The following USP49 variants were observed in gnomAD, a reference collection of about 807,000 sequenced individuals.
USP49 encodes the protein ubiquitin carboxyl-terminal hydrolase 49.
Under a neutral mutation model 58.6 loss-of-function variants are expected in USP49, and 24 were observed. The observed-to-expected ratio is 0.41, with a 90% CI of 0.30 to 0.58. The LOEUF (loss-of-function observed/expected upper bound fraction) is 0.58. USP49 is among the 20% of genes least tolerant of loss of function. The pLI is 0.30. For synonymous variants in USP49, 408 were observed against 365.1 expected (o/e 1.12, Z -1.34); for missense variants, 703 against 866.1 (o/e 0.81, Z 2.36).
intron 3 of USP49, among the ~76,000 whole-genome samples, chr6:41,815,659 C>T (rs1773337041): frequency 6.6e-6 from 1 of 152,134 alleles, no homozygotes; most frequent in African/African-American, 2.4e-5. Flanking sequence ...AGGCTGAATT[C>T]TCTAAGAAGG....
intron 4 of USP49, 98 bp from the exon 5 acceptor site, chr6:41,804,108 T>C: frequency 1.9e-6 from 2 of 1,068,450 alleles, no homozygotes; most frequent in South Asian, 1.7e-5. Flanking sequence ...CAAAACTAAG[T>C]GTATAATTTT....
At chr6:41,883,595 C>A (rs1774653443) in intron 2 of USP49, among the ~76,000 whole-genome samples, 1 of 151,634 alleles carries the variant, frequency 6.6e-6, no homozygotes, top group African/African-American at 2.4e-5. Context: ...TGCATTCCAG[C>A]CTGAGCGACA....
In USP49 at chr6:41,791,391, G is replaced by C. The variant is rs1448267746; in HGVS notation, c.*5142C>G. 1 of 152,218 alleles carries C rather than the reference G, an allele frequency of 6.6e-6. No homozygotes were observed. The highest frequency in any genetic ancestry group is 1.5e-5 in the Non-Finnish European group (1 of 68,050). 9.4% of individuals were successfully genotyped at this position (152,218 alleles called of 1,614,324 possible). Reference sequence around the variant, plus strand: ...CTCCCAAAGTGTTGGGATTACAGGTGCTAGCCAACTGCATCCAGCCAATGT... The same window carrying C: ...CTCCCAAAGTGTTGGGATTACAGGTCCTAGCCAACTGCATCCAGCCAATGT... On this transcript the variant is annotated 3_prime_UTR_variant, in exon 8 of 8. Coordinates refer to ENST00000682992, the MANE Select transcript of USP49 (RefSeq NM_001286554.2).
intron 3 of USP49, among the ~76,000 whole-genome samples, chr6:41,850,260 T>C (rs1774002576): frequency 1.3e-5 from 2 of 151,910 alleles, no homozygotes; most frequent in Non-Finnish European, 1.5e-5. Context: ...CTGGCCAACA[T>C]GGTGAAACCC....
chr6:41,836,612 G>C (rs951066502), intron 3 of USP49, among the ~76,000 whole-genome samples: 4 of 152,090 alleles, frequency 2.6e-5, no homozygotes, highest in Non-Finnish European at 5.9e-5. Flanking sequence ...GTTATAACTA[G>C]ATCTTGGACA....
chr6:41,867,909 C>A (rs992049117), intron 3 of USP49, among the ~76,000 whole-genome samples: 1 of 152,142 alleles, frequency 6.6e-6, no homozygotes, highest in Non-Finnish European at 1.5e-5. Flanking sequence ...TATGAATAAT[C>A]ATCTCATGTC....
At chr6:41,802,739 T>C (rs762962379) in intron 5 of USP49, among the ~76,000 whole-genome samples, 8 of 152,108 alleles carry the variant, frequency 5.3e-5, no homozygotes, top group Non-Finnish European at 1.0e-4. Flanking sequence ...AGCATCCACA[T>C]ATTTGTTCTG....
At chr6:41,814,461 GACA>G (rs1004303833) in intron 3 of USP49, among the ~76,000 whole-genome samples, 15 of 152,250 alleles carry the variant, frequency 9.9e-5, no homozygotes, top group African/African-American at 3.6e-4. Flanking sequence ...TATGAGAGAT[GACA>G]ACATTAGGAT....
intron 3 of USP49, among the ~76,000 whole-genome samples, chr6:41,848,799 G>A (rs533981901): frequency 7.3e-5 from 11 of 151,438 alleles, no homozygotes; most frequent in Non-Finnish European, 1.2e-4. Context: ...AGCTTGCATT[G>A]AGCCAAGATC....
At chr6:41,881,903 T>C (rs1774615047) in intron 2 of USP49, among the ~76,000 whole-genome samples, 1 of 152,308 alleles carries the variant, frequency 6.6e-6, no homozygotes, top group South Asian at 2.1e-4. Flanking sequence ...ATATGCTGAC[T>C]TAACTTTGTA....
intron 3 of USP49, among the ~76,000 whole-genome samples, chr6:41,830,968 A>C (rs1401937741): frequency 6.6e-6 from 1 of 152,180 alleles, no homozygotes; most frequent in African/African-American, 2.4e-5. Flanking sequence ...TAAAAGGTAG[A>C]GCTATCGACT....
At chr6:41,815,674 G>C (rs555281960) in intron 3 of USP49, among the ~76,000 whole-genome samples, 1 of 152,080 alleles carries the variant, frequency 6.6e-6, no homozygotes. Context: ...AGAAGGGTTC[G>C]GAAGCTCTGA....
In USP49 at chr6:41,806,990, T is replaced by G. The variant is rs766715124; in HGVS notation, c.-7A>C. On this transcript the variant is annotated 5_prime_UTR_variant, in exon 4 of 8. Transcript: ENST00000682992. This position sits in a 1 kb window ranked among gnomAD's most constrained non-coding sequence, Gnocchi z 5.9. ...CATGTTTGCATCTATCCATGTCTTA[T>G]AGAAGTCGCCACTTTCTCAACCTGG... 6.7e-7 allele frequency: 1 copy of G among 1,489,096 alleles called. No individual in the cohort carries two copies. Among genetic ancestry groups the G allele is most frequent in the South Asian group, 1.4e-5 (1 of 72,324 alleles). The allele number at this position is 1,489,096 out of a possible 1,614,324, so 92.2% of individuals were successfully genotyped here. A position where few individuals can be genotyped will look rare whatever the true frequency, so the allele number is the denominator to read the frequency against.
chr6:41,852,668 T>C (rs1479340490), intron 3 of USP49, among the ~76,000 whole-genome samples: 1 of 152,182 alleles, frequency 6.6e-6, no homozygotes, highest in Non-Finnish European at 1.5e-5. Context: ...ATATACAGAT[T>C]CGATGCAAGC....
At chr6:41,799,973 TGAG>T (rs1397734807) in intron 5 of USP49, 35 bp from the exon 6 acceptor site, 4 of 1,589,324 alleles carry the variant, frequency 2.5e-6, no homozygotes, top group Admixed American at 1.7e-5. Context: ...ACATAGGTTG[TGAG>T]GAGTTTTTTC....
At chr6:41,874,973 A>C (rs928768684) in intron 2 of USP49, among the ~76,000 whole-genome samples, 4 of 151,772 alleles carry the variant, frequency 2.6e-5, no homozygotes, top group Non-Finnish European at 5.9e-5. Flanking sequence ...AAAAAGAAAG[A>C]GAGAGAGAGA....
chr6:41,862,778 G>A (rs1172100454), intron 3 of USP49, among the ~76,000 whole-genome samples: 2 of 151,906 alleles, frequency 1.3e-5, no homozygotes, highest in Non-Finnish European at 1.5e-5. Flanking sequence ...TATTTTGTTT[G>A]ACTTTATTTT....
At chr6:41,863,616 T>G (rs2127355913) in intron 3 of USP49, among the ~76,000 whole-genome samples, 1 of 152,326 alleles carries the variant, frequency 6.6e-6, no homozygotes, top group South Asian at 2.1e-4. Flanking sequence ...TTATTTAACT[T>G]TCCTGAATTT....
chr6:41,880,122 T>C (rs1161668043), intron 2 of USP49, among the ~76,000 whole-genome samples: 1 of 148,722 alleles, frequency 6.7e-6, no homozygotes, highest in Non-Finnish European at 1.5e-5. Flanking sequence ...TAGATGACTA[T>C]TAAAAAGCAA....
Sources: allele counts gnomAD v4.1 joint callset (sites outside exome capture counted in the v4.1 genomes callset), GRCh38; gene constraint gnomAD v4.1.1; non-coding constraint Gnocchi (gnomAD v3.1); transcripts MANE v1.5; gene names NCBI Gene and HGNC (gene_info 2026-07-23, HGNC 2026-07-21).